LYZ: variants seen among roughly 807,000 people sequenced by gnomAD.
The protein encoded by LYZ is lysozyme C.
Under a neutral mutation model 15.8 loss-of-function variants are expected in LYZ, and 18 were observed. That is an observed-to-expected ratio of 1.14 (90% CI 0.79 to 1.69). The LOEUF is 1.69. Among genes scored for constraint, LYZ ranks in the 40% most tolerant of loss-of-function variants. The pLI is 0.00. For missense variants in LYZ, 139 were observed against 182.8 expected (o/e 0.76, Z 1.38); for synonymous variants, 60 against 61.7 (o/e 0.97, Z 0.13).
intron 3 of LYZ, 29 bp downstream of exon 3, chr12:69,352,327 T>G (rs757850838): frequency 6.5e-7 from 1 of 1,527,456 alleles, no homozygotes; most frequent in East Asian, 2.2e-5. Context: ...AAGGGAAAAC[T>G]ATCTTACTCT....
intron 3 of LYZ, 117 bp downstream of exon 3, chr12:69,352,415 C>A: frequency 1.4e-6 from 1 of 735,402 alleles, no homozygotes; most frequent in Non-Finnish European, 2.4e-6. Flanking sequence ...CAGCTTTTGG[C>A]TTATGCTAAA....
At chr12:69,351,147 A>T (rs1874836366) in intron 2 of LYZ, among the ~76,000 whole-genome samples, 1 of 152,156 alleles carries the variant, frequency 6.6e-6, no homozygotes, top group South Asian at 2.1e-4. Context: ...CATCTTCAAA[A>T]AATACAGTTC....
At chr12:69,351,605 A>G (rs2120831496) in intron 2 of LYZ, among the ~76,000 whole-genome samples, 1 of 152,242 alleles carries the variant, frequency 6.6e-6, no homozygotes, top group South Asian at 2.1e-4. Context: ...GCAAAAATTA[A>G]ATTGTATTAT....
At position 69,350,286 on chromosome 12, in the gene LYZ, A is replaced by G. The variant is rs1565669617; in HGVS notation, c.301+14A>G. On this transcript the variant is annotated intron_variant, in intron 2 of 3. Transcript: ENST00000261267. ...TATCCTGCAGTGGTAAGACAAGCTAATATTTGACCAATCTGGTTATACTTA... is the reference window on the plus strand; with the variant it reads ...TATCCTGCAGTGGTAAGACAAGCTAGTATTTGACCAATCTGGTTATACTTA... 1.2e-6 allele frequency: 2 copies of G among 1,613,806 alleles called. No homozygotes were observed. The highest frequency in any genetic ancestry group is 1.7e-6 in the Non-Finnish European group (2 of 1,179,824).
In LYZ at chr12:69,350,161, A is replaced by G; in HGVS notation, c.190A>G (p.Asn64Asp). 6.2e-7 allele frequency: 1 copy of G among 1,614,156 alleles called. No homozygotes were observed. Among genetic ancestry groups the G allele is most frequent in the Non-Finnish European group, 8.5e-7 (1 of 1,180,014 alleles). The stretch of plus-strand genomic sequence containing the variant: ...TTACAACACACGAGCTACAAACTAC[A>G]ATGCTGGAGACAGAAGCACTGATTA... Reference protein sequence around the residue: ...SGYNTRATNYNAGDRSTDYGI... With the variant: ...SGYNTRATNYDAGDRSTDYGI... Residue 64 changes from asparagine to aspartate, a missense_variant, in exon 2 of 4, where the codon AAT (asparagine) becomes GAT (aspartate). By Grantham distance (23) the Asn-to-Asp change is conservative. Coordinates refer to ENST00000261267, the MANE Select transcript of LYZ (RefSeq NM_000239.3).
In LYZ at chr12:69,348,512, T is replaced by C; in HGVS notation, c.104T>C (p.Met35Thr). 1 of 1,614,182 alleles carries C rather than the reference T, an allele frequency of 6.2e-7. No homozygotes were observed. Residue 35 changes from methionine (M) to threonine (T), a missense_variant, in exon 1 of 4, where the codon ATG becomes ACG. Met to Thr is a moderately conservative substitution (Grantham distance 81). Transcript: ENST00000261267. ...GCCAGAACTCTGAAAAGATTGGGAATGGATGGCTACAGGGGAATCAGCCTA... is the reference window on the plus strand; with the variant it reads ...GCCAGAACTCTGAAAAGATTGGGAACGGATGGCTACAGGGGAATCAGCCTA... ...ELARTLKRLG[M>T]DGYRGISLAN...
rs766589446 is a variant in LYZ at position 69,348,468 on chromosome 12, C to A, written c.60C>A (p.Val20=). Residue 20 remains valine, a synonymous_variant, in exon 1 of 4, where the codon GTC becomes GTA. Transcript: ENST00000261267. ...TTTCTGTTACGGTCCAGGGCAAGGT[C>A]TTTGAAAGGTGTGAGTTGGCCAGAA... ...VLLSVTVQGK[V]FERCELARTL... 5 of 1,614,010 alleles carry A rather than the reference C, an allele frequency of 3.1e-6. No homozygotes were observed. The highest frequency in any genetic ancestry group is 4.2e-6 in the Non-Finnish European group (5 of 1,180,014).
chr12:69,348,518 G>C lies in LYZ; in HGVS notation c.110G>C (p.Gly37Ala). ...ACTCTGAAAAGATTGGGAATGGATG[G>C]CTACAGGGGAATCAGCCTAGCAAAC... ...ARTLKRLGMD[G>A]YRGISLANWM... The change falls in exon 1 of 4, where the codon GGC (glycine) becomes GCC (alanine). Residue 37 changes from glycine (G) to alanine (A), a missense_variant. Physicochemically the swap from Gly to Ala is moderately conservative, Grantham distance 60. Coordinates refer to ENST00000261267, the MANE Select transcript of LYZ (RefSeq NM_000239.3). The C allele has an allele frequency of 6.2e-7, 1 of 1,614,144 alleles. No homozygotes were observed. The highest frequency in any genetic ancestry group is 1.1e-5 in the South Asian group (1 of 91,088).
At position 69,353,322 on chromosome 12, in the gene LYZ, A is replaced by T; in HGVS notation, c.*103A>T. The stretch of plus-strand genomic sequence containing the variant: ...CCATTATTTCCCCTTCAAACAAATA[A>T]TATTTTTACAGAAGCAGGAGCAAAA... On this transcript the variant is annotated 3_prime_UTR_variant, in exon 4 of 4. Transcript: ENST00000261267. The T allele has an allele frequency of 5.3e-6, 5 of 944,318 alleles. No individual in the cohort carries two copies. Among genetic ancestry groups the T allele is most frequent in the Non-Finnish European group, 8.7e-6 (5 of 571,812 alleles). 58.5% of individuals were successfully genotyped at this position (944,318 alleles called of 1,614,324 possible).
intron 1 of LYZ, among the ~76,000 whole-genome samples, chr12:69,349,826 G>T (rs902589713): frequency 3.3e-5 from 5 of 152,184 alleles, no homozygotes; most frequent in Admixed American, 3.3e-4. Flanking sequence ...TTGCCTGAGG[G>T]ATGGGAGCAC....
Position 69,353,180 on chromosome 12 carries a change from CAG to C in LYZ, c.412_413del (p.Asp138CysfsTer33). The C allele has an allele frequency of 1.2e-6, 2 of 1,614,100 alleles. No individual in the cohort carries two copies. The highest frequency in any genetic ancestry group is 1.1e-5 in the South Asian group (1 of 91,082). On this transcript the variant is annotated frameshift_variant, in exon 4 of 4. Coordinates refer to ENST00000261267, the MANE Select transcript of LYZ (RefSeq NM_000239.3). LOFTEE classifies it low-confidence loss of function (END_TRUNC). ...TGGCATGGAGAAATCGTTGTCAAAA[CAG>C]AGATGTCCGTCAGTATGTTCAAGGT... is the stretch of plus-strand genomic sequence containing the variant. ...WVAWRNRCQN[R>X]DVRQYVQGCG... is the part of the protein sequence containing the mutation.
At chr12:69,349,250 A>G (rs1009910921) in intron 1 of LYZ, among the ~76,000 whole-genome samples, 1 of 152,060 alleles carries the variant, frequency 6.6e-6, no homozygotes, top group African/African-American at 2.4e-5. Context: ...TGATCTGCCC[A>G]CCTCAGCCTC....
Position 69,353,256 on chromosome 12 carries a change from C to T in LYZ, c.*37C>T. On this transcript the variant is annotated 3_prime_UTR_variant, in exon 4 of 4. Coordinates refer to ENST00000261267, the MANE Select transcript of LYZ (RefSeq NM_000239.3). ...TCCTTCTTCAGCTCATTTTGTCTCT[C>T]TCACATTAAGGGAGTAGGAATTAAG... The T allele has an allele frequency of 5.4e-6, 8 of 1,486,884 alleles. No individual in the cohort carries two copies. The highest frequency in any genetic ancestry group is 7.5e-6 in the Non-Finnish European group (8 of 1,064,116). The allele number at this position is 1,486,884 out of a possible 1,614,324, so 92.1% of individuals were successfully genotyped here.
chr12:69,351,207 T>C (rs1874837891), intron 2 of LYZ, among the ~76,000 whole-genome samples: 1 of 152,136 alleles, frequency 6.6e-6, no homozygotes, highest in Admixed American at 6.5e-5. Context: ...ATTTATTTAT[T>C]TGGAGTGAAA....
chr12:69,349,155 C>G (rs531184978), intron 1 of LYZ, among the ~76,000 whole-genome samples: 1 of 152,204 alleles, frequency 6.6e-6, no homozygotes, highest in East Asian at 1.9e-4. Flanking sequence ...GTGTGTACCA[C>G]CACACCCAGC....
chr12:69,349,956 C>T, intron 1 of LYZ, 152 bp from the exon 2 acceptor site: 1 of 663,178 alleles, frequency 1.5e-6, no homozygotes, highest in Non-Finnish European at 2.6e-6. Flanking sequence ...AGTCCCTTAT[C>T]TTAACACTAA....
At position 69,350,151 on chromosome 12, in the gene LYZ, T is replaced by C. The variant is rs758762911; in HGVS notation, c.180T>C (p.Ala60=). Reference sequence around the variant, plus strand: ...GGGAGAGTGGTTACAACACACGAGCTACAAACTACAATGCTGGAGACAGAA... The same window carrying C: ...GGGAGAGTGGTTACAACACACGAGCCACAAACTACAATGCTGGAGACAGAA... ...AKWESGYNTR[A]TNYNAGDRST... The change falls in exon 2 of 4, where the codon GCT becomes GCC. Residue 60 remains alanine (A), a synonymous_variant. Transcript: ENST00000261267. 3.1e-6 allele frequency: 5 copies of C among 1,613,982 alleles called. No homozygotes were observed. The highest frequency in any genetic ancestry group is 4.2e-6 in the Non-Finnish European group (5 of 1,179,996).
At chr12:69,352,367 T>A in intron 3 of LYZ, 69 bp downstream of exon 3, 3 of 1,272,814 alleles carry the variant, frequency 2.4e-6, no homozygotes, top group Admixed American at 1.7e-5. Flanking sequence ...AGAGCAGACT[T>A]TTAAAGACCA....
chr12:69,351,160 G>C (rs978387589), intron 2 of LYZ, among the ~76,000 whole-genome samples: 2 of 152,134 alleles, frequency 1.3e-5, no homozygotes, highest in Admixed American at 1.3e-4. Context: ...TACAGTTCCT[G>C]TAGAATTATT....
Sources: gnomAD v4.1 joint callset for allele counts (sites outside exome capture counted in the v4.1 genomes callset) on GRCh38, gnomAD v4.1.1 for gene constraint, MANE v1.5 for transcripts, NCBI Gene and HGNC (gene_info 2026-07-23, HGNC 2026-07-21) for gene names.